BICC1: variants seen among roughly 807,000 people sequenced by gnomAD.
BICC1 encodes protein bicaudal C homolog 1.
Under a neutral mutation model 111.0 loss-of-function variants are expected in BICC1, and 43 were observed. That is an observed-to-expected ratio of 0.39 (90% confidence interval 0.30 to 0.50). The LOEUF is 0.50. Among genes scored for constraint, BICC1 ranks in the 20% least tolerant of loss-of-function variants. The probability of loss-of-function intolerance (pLI) is 0.88; values close to 1 mark genes in which losing one functional copy is unlikely to be tolerated. For synonymous variants in BICC1, 467 were observed against 434.4 expected (o/e 1.07, Z -0.93); for missense variants, 1,091 against 1,203.2 (o/e 0.91, Z 1.38).
In BICC1 at chr10:58,803,240, C is replaced by A; in HGVS notation, c.2179C>A (p.Gln727Lys). 1 of 1,590,948 alleles carries A rather than the reference C, an allele frequency of 6.3e-7. No homozygotes were observed. Among genetic ancestry groups the A allele is most frequent in the East Asian group, 2.3e-5 (1 of 44,204 alleles). The change falls in exon 15 of 21, where the codon CAG becomes AAG. Residue 727 changes from glutamine (Q) to lysine (K), a missense_variant and splice_region_variant. Physicochemically the swap from Gln to Lys is moderately conservative, Grantham distance 53. Transcript: ENST00000373886. ...LAPRSSYVNM[Q>K]AFDYEQKKLL... ...TCCACGGTCATCATATGTCAACATG[C>A]AGGTAATGGTAATAAAATAGGAAAG...
chr10:58,592,400 C>T (rs1844649369), intron 1 of BICC1, among the ~76,000 whole-genome samples: 1 of 152,048 alleles, frequency 6.6e-6, no homozygotes, highest in African/African-American at 2.4e-5. Context: ...CCTCTATAAA[C>T]CCTTCAAATA....
intron 1 of BICC1, among the ~76,000 whole-genome samples, chr10:58,608,247 C>T (rs893779665): frequency 2.0e-5 from 3 of 152,074 alleles, no homozygotes; most frequent in Non-Finnish European, 2.9e-5. Context: ...CCACCTATTT[C>T]GGAACACCTG....
At chr10:58,783,360 C>A (rs1359180779) in intron 3 of BICC1, among the ~76,000 whole-genome samples, 1 of 152,056 alleles carries the variant, frequency 6.6e-6, no homozygotes, top group African/African-American at 2.4e-5. Context: ...TAAGAAAAAT[C>A]GTTTCCTCCC....
At chr10:58,653,966 A>G (rs1230365048) in intron 2 of BICC1, among the ~76,000 whole-genome samples, 1 of 151,512 alleles carries the variant, frequency 6.6e-6, no homozygotes. Context: ...TTTATTGAGA[A>G]TGATGATTTC....
chr10:58,739,542 A>AT (rs58011530), intron 3 of BICC1, among the ~76,000 whole-genome samples: 149,147 of 150,154 alleles, frequency 0.99, 74,081 homozygotes, highest in Middle Eastern at 1. Context: ...CTTTAGTTTA[A>AT]TTTTTTTTTT....
intron 17 of BICC1, among the ~76,000 whole-genome samples, chr10:58,808,599 G>T (rs575094890): frequency 1.3e-5 from 2 of 152,286 alleles, no homozygotes; most frequent in South Asian, 4.1e-4. Flanking sequence ...TATAGCTTTG[G>T]TGAGGGACTT....
At chr10:58,643,719 A>C (rs1175256810) in intron 2 of BICC1, among the ~76,000 whole-genome samples, 1 of 152,240 alleles carries the variant, frequency 6.6e-6, no homozygotes, top group Non-Finnish European at 1.5e-5. Flanking sequence ...AACACACACC[A>C]ACAGGATCTG....
chr10:58,570,067 T>TC (rs1005231389), intron 1 of BICC1, among the ~76,000 whole-genome samples: 15 of 152,284 alleles, frequency 9.9e-5, no homozygotes, highest in African/African-American at 3.4e-4. Flanking sequence ...TTTCCTGACA[T>TC]CAGGAATGTT....
rs572547891 is a variant in BICC1, at chr10:58,626,051, A to G, written c.237+5150A>G. 4.6e-5 allele frequency among the ~76,000 whole-genome samples: 7 copies of G among 152,346 alleles called. No individual in the cohort carries two copies. In the South Asian group the frequency reaches 1.4e-3, roughly 32 times the overall value. ...AATTTAAATAAGATCCAGATATTTT[A>G]AAGCTTTAATTTTAGTATTTATTTC... is the stretch of plus-strand genomic sequence containing the variant. On this transcript the variant is annotated intron_variant, in intron 2 of 20. Coordinates refer to ENST00000373886, the MANE Select transcript of BICC1 (RefSeq NM_001080512.3).
At chr10:58,780,434 G>A (rs1281235402) in intron 3 of BICC1, among the ~76,000 whole-genome samples, 2 of 152,200 alleles carry the variant, frequency 1.3e-5, no homozygotes, top group Non-Finnish European at 2.9e-5. Flanking sequence ...TGTGAATTTA[G>A]GGGGTTGAAT....
At chr10:58,599,437 G>A (rs1443285166) in intron 1 of BICC1, among the ~76,000 whole-genome samples, 1 of 152,124 alleles carries the variant, frequency 6.6e-6, no homozygotes, top group Non-Finnish European at 1.5e-5. Context: ...ACTCATAAGT[G>A]GGAGTTGGAC....
chr10:58,578,299 C>T (rs999164544), intron 1 of BICC1, among the ~76,000 whole-genome samples: 1 of 151,956 alleles, frequency 6.6e-6, no homozygotes, highest in Non-Finnish European at 1.5e-5. Context: ...TTTTTTGTTC[C>T]TGAGACTTTA....
chr10:58,622,273 A>T (rs1187164597), intron 2 of BICC1, among the ~76,000 whole-genome samples: 1 of 152,196 alleles, frequency 6.6e-6, no homozygotes, highest in African/African-American at 2.4e-5. Context: ...CTGTCAGTGG[A>T]AGGATTCTTC....
At chr10:58,759,607 G>A (rs1482686214) in intron 3 of BICC1, among the ~76,000 whole-genome samples, 1 of 152,020 alleles carries the variant, frequency 6.6e-6, no homozygotes, top group Admixed American at 6.6e-5. Context: ...CTTTTTCTAT[G>A]GTGTAAAAGA....
At chr10:58,553,855 T>TA (rs571884028) in intron 1 of BICC1, among the ~76,000 whole-genome samples, 48 of 151,322 alleles carry the variant, frequency 3.2e-4, no homozygotes, top group Admixed American at 2.2e-3. Flanking sequence ...TACAAAAATG[T>TA]AAAAAAAACC....
At chr10:58,771,044 A>G (rs1301863424) in intron 3 of BICC1, among the ~76,000 whole-genome samples, 1 of 152,242 alleles carries the variant, frequency 6.6e-6, no homozygotes, top group Admixed American at 6.5e-5. Context: ...CCTTACAACA[A>G]TCTATTTCTA....
chr10:58,641,771 G>A (rs549663925), intron 2 of BICC1, among the ~76,000 whole-genome samples: 1 of 152,198 alleles, frequency 6.6e-6, no homozygotes, highest in East Asian at 1.9e-4. Flanking sequence ...TCAAGAAATT[G>A]TGGTAAAACA....
intron 5 of BICC1, among the ~76,000 whole-genome samples, chr10:58,787,687 AG>A (rs1399389683): frequency 6.6e-6 from 1 of 152,236 alleles, no homozygotes; most frequent in East Asian, 1.9e-4. Flanking sequence ...TCAGCCACAA[AG>A]ATGAATAGTC....
chr10:58,656,490 G>A (rs1838655406), intron 2 of BICC1, among the ~76,000 whole-genome samples: 1 of 149,620 alleles, frequency 6.7e-6, no homozygotes, highest in Non-Finnish European at 1.5e-5. Context: ...ACATCAAAAA[G>A]CTTATCCACC....
Sources: gnomAD v4.1 joint callset for allele counts (sites outside exome capture counted in the v4.1 genomes callset) on GRCh38, gnomAD v4.1.1 for gene constraint, MANE v1.5 for transcripts, NCBI Gene and HGNC (gene_info 2026-07-23, HGNC 2026-07-21) for gene names.